CCDC192: variants seen among roughly 807,000 people sequenced by gnomAD.
CCDC192 encodes coiled-coil domain-containing protein 192.
intron 6 of CCDC192, among the ~76,000 whole-genome samples, chr5:127,921,952 T>C (rs1753735134): frequency 6.6e-6 from 1 of 152,234 alleles, no homozygotes; most frequent in African/African-American, 2.4e-5. Context: ...AAAAAGTACA[T>C]GCTACTAAAA....
rs575822612 is a variant in CCDC192, at chr5:127,855,405, A to G, written c.412-20133A>G. Among the ~76,000 whole-genome samples the G allele has an allele frequency of 1.2e-3, 189 of 152,276 alleles. 1 individual carries two copies. The highest frequency in any genetic ancestry group is 2.3e-3 in the Non-Finnish European group (154 of 68,016). On this transcript the variant is annotated intron_variant, in intron 5 of 6. Transcript: ENST00000514853. ...ATCTTCAATCTCCATTTCTAATTCT[A>G]CTTATCTTACTACTTGCACCACATC...
intron 2 of CCDC192, among the ~76,000 whole-genome samples, chr5:127,737,253 T>C (rs1753072483): frequency 6.6e-6 from 1 of 152,168 alleles, no homozygotes; most frequent in Admixed American, 6.5e-5. Context: ...AGTGAGATTC[T>C]TAATCCTGAG....
intron 2 of CCDC192, among the ~76,000 whole-genome samples, chr5:127,751,423 A>T (rs1223485786): frequency 6.6e-6 from 1 of 151,946 alleles, no homozygotes; most frequent in Non-Finnish European, 1.5e-5. Flanking sequence ...TCTTTTCTTT[A>T]AGAATGTTGA....
intron 1 of CCDC192, among the ~76,000 whole-genome samples, chr5:127,704,837 T>C (rs1290104762): frequency 2.3e-5 from 3 of 129,982 alleles, no homozygotes; most frequent in Non-Finnish European, 4.9e-5. Flanking sequence ...AAACTCCATC[T>C]AAAATAAATA....
At chr5:127,883,482 TA>T (rs549232293) in intron 6 of CCDC192, among the ~76,000 whole-genome samples, 99 of 152,380 alleles carry the variant, frequency 6.5e-4, no homozygotes, top group African/African-American at 2.3e-3. Flanking sequence ...AGTTAAATGT[TA>T]AAAAATCTAT....
At chr5:127,777,489 A>G (rs1422195312) in intron 3 of CCDC192, among the ~76,000 whole-genome samples, 1 of 152,132 alleles carries the variant, frequency 6.6e-6, no homozygotes, top group Non-Finnish European at 1.5e-5. Context: ...TGGACTGTGG[A>G]CTTTTGAGTT....
intron 2 of CCDC192, among the ~76,000 whole-genome samples, chr5:127,710,986 G>A (rs1375630334): frequency 6.6e-6 from 1 of 152,110 alleles, no homozygotes; most frequent in African/African-American, 2.4e-5. Flanking sequence ...TGCTTTTGCT[G>A]CATTTTAACA....
chr5:127,918,931 C>A (rs13153881), intron 6 of CCDC192, among the ~76,000 whole-genome samples: 2 of 149,196 alleles, frequency 1.3e-5, no homozygotes, highest in Admixed American at 6.7e-5. Flanking sequence ...ATATGTGTGT[C>A]TCTGTGTGTA....
intron 5 of CCDC192, among the ~76,000 whole-genome samples, chr5:127,799,915 A>G (rs1448215716): frequency 6.6e-6 from 1 of 152,196 alleles, no homozygotes; most frequent in Non-Finnish European, 1.5e-5. Context: ...AACAGTATTA[A>G]CGATAGTATT....
At chr5:127,922,171 TCTG>T (rs1344456444) in intron 6 of CCDC192, among the ~76,000 whole-genome samples, 1 of 152,214 alleles carries the variant, frequency 6.6e-6, no homozygotes, top group African/African-American at 2.4e-5. Context: ...AGCTTCTTAT[TCTG>T]CTTAGAATTT....
At chr5:127,752,856 G>A (rs1754300413) in intron 2 of CCDC192, among the ~76,000 whole-genome samples, 1 of 152,174 alleles carries the variant, frequency 6.6e-6, no homozygotes, top group Admixed American at 6.5e-5. Context: ...GCGGTATTCG[G>A]GTGGGAGTGA....
rs151088639 is a variant in CCDC192 at position 127,882,203 on chromosome 5, G to T, written c.535+6542G>T. Among the ~76,000 whole-genome samples, 179 of 152,294 alleles carry T rather than the reference G, an allele frequency of 1.2e-3. 1 individual carries two copies. The South Asian group carries it at 0.02, about 17-fold the overall frequency. ...CCTGTAATGGGATTGACATTTTAGT[G>T]ATTTTTCAGTGACACATAACTTTTT... On this transcript the variant is annotated intron_variant, in intron 6 of 6. Coordinates refer to ENST00000514853, the MANE Select transcript of CCDC192 (RefSeq NM_001317938.2).
At chr5:127,743,580 C>T (rs1304099287) in intron 2 of CCDC192, among the ~76,000 whole-genome samples, 1 of 152,126 alleles carries the variant, frequency 6.6e-6, no homozygotes, top group Non-Finnish European at 1.5e-5. Context: ...TCATCCAGGC[C>T]ACCATCCTCC....
chr5:127,821,631 A>C (rs1291862333), intron 5 of CCDC192, among the ~76,000 whole-genome samples: 1 of 152,210 alleles, frequency 6.6e-6, no homozygotes, highest in Non-Finnish European at 1.5e-5. Context: ...GGAAGTCTTA[A>C]AGCCCAGCTC....
chr5:127,726,613 G>T (rs1752337857), intron 2 of CCDC192, among the ~76,000 whole-genome samples: 1 of 152,190 alleles, frequency 6.6e-6, no homozygotes, highest in African/African-American at 2.4e-5. Context: ...GGGCCCAGGA[G>T]GAATTCCCCA....
intron 6 of CCDC192, among the ~76,000 whole-genome samples, chr5:127,892,512 CT>C (rs779957388): frequency 1.6e-4 from 25 of 152,090 alleles, no homozygotes; most frequent in Non-Finnish European, 1.6e-4. Context: ...CTAAAATGAA[CT>C]CAAAATATGT....
chr5:127,710,916 T>G (rs1751295127), intron 2 of CCDC192, among the ~76,000 whole-genome samples: 1 of 152,186 alleles, frequency 6.6e-6, no homozygotes, highest in Non-Finnish European at 1.5e-5. Context: ...TAGTCCCCAT[T>G]TATCTCAACC....
At chr5:127,773,487 G>A (rs1755679595) in intron 3 of CCDC192, among the ~76,000 whole-genome samples, 1 of 151,946 alleles carries the variant, frequency 6.6e-6, no homozygotes, top group Admixed American at 6.6e-5. Flanking sequence ...CTGCCTTTAT[G>A]GATTTATTTA....
rs368407787 is a variant in CCDC192 at position 127,873,710 on chromosome 5, A to AG, written c.412-1827dup. ...ATCTCCAAAGTTCTAAATTGTAAAA[A>AG]GAAAGTGTAGAAATTTGAGCATGGA... On this transcript the variant is annotated intron_variant, in intron 5 of 6. Transcript: ENST00000514853. 4.8e-3 allele frequency among the ~76,000 whole-genome samples: 735 copies of AG among 152,320 alleles called. 3 individuals are homozygous for AG. The highest frequency in any genetic ancestry group is 8.1e-3 in the Non-Finnish European group (554 of 68,028).
Sources: allele counts gnomAD v4.1 joint callset (sites outside exome capture counted in the v4.1 genomes callset), GRCh38; gene constraint gnomAD v4.1.1; transcripts MANE v1.5; gene names NCBI Gene and HGNC (gene_info 2026-07-23, HGNC 2026-07-21).